AP1G2: variants seen among roughly 807,000 people sequenced by gnomAD.
AP1G2 encodes adaptor related protein complex 1 subunit gamma 2.
A neutral mutation model predicts 95.8 loss-of-function variants in AP1G2; 85 were observed. The observed-to-expected ratio is 0.89, with a 90% CI of 0.74 to 1.06. AP1G2 has a LOEUF of 1.06. Ranked by LOEUF, AP1G2 falls within the 50% of genes least tolerant of loss-of-function variation. The probability of loss-of-function intolerance (pLI) is 0.00; values close to 1 mark genes in which losing one functional copy is unlikely to be tolerated. For missense variants in AP1G2, 967 were observed against 1,005.8 expected, an observed-to-expected ratio of 0.96 and a Z score of 0.52; for synonymous variants, 378 against 400.0, an observed-to-expected ratio of 0.94 and a Z score of 0.66.
At position 23,560,411 on chromosome 14, in the gene AP1G2, G is replaced by A. The variant is rs1883654851; in HGVS notation, c.2001C>T (p.Ile667=). 3 of 1,613,198 alleles carry A rather than the reference G, an allele frequency of 1.9e-6. No individual in the cohort carries two copies. In the South Asian group the frequency reaches 3.3e-5, roughly 18 times the overall value. ...LPCVPPPPAP[I]PDLKVFEREG... ...CACGCTCAAACACTTTGAGATCTGG[G>A]ATGGGAGCTGGAGTAGGGAGACAGA... The change falls in exon 20 of 22, where the codon ATC becomes ATT. Residue 667 remains isoleucine (I), a synonymous_variant. Coordinates refer to ENST00000397120, the MANE Select transcript of AP1G2 (RefSeq NM_003917.5).
chr14:23,559,784 C>A lies in AP1G2; in HGVS notation c.2323G>T (p.Glu775Ter). The change falls in exon 22 of 22, where the codon GAG becomes TAG. Residue 775 changes from glutamate to a stop codon, truncating the protein, a stop_gained. Transcript: ENST00000397120. LOFTEE classifies it high-confidence loss of function. Reference sequence around the variant, plus strand: ...GATTCCACAGGCAAGTTGTTCACCTCAAAGATCTCCTGCACCGACTGGTGA... The same window carrying A: ...GATTCCACAGGCAAGTTGTTCACCTAAAAGATCTCCTGCACCGACTGGTGA... Reference protein sequence around the residue: ...HFHQSVQEIFEVNNLPVESWQ With the variant: ...HFHQSVQEIF 1 of 1,614,124 alleles carries A rather than the reference C, an allele frequency of 6.2e-7. No individual in the cohort carries two copies. Among genetic ancestry groups the A allele is most frequent in the Non-Finnish European group, 8.5e-7 (1 of 1,180,026 alleles).
chr14:23,567,781 C>T lies in AP1G2; in HGVS notation c.-48G>A, dbSNP rs1195696640. 1 of 1,002,242 alleles carries T rather than the reference C, an allele frequency of 1.0e-6. No individual in the cohort carries two copies. Among genetic ancestry groups the T allele is most frequent in the Admixed American group, 6.1e-5 (1 of 16,462 alleles). 62.1% of individuals were successfully genotyped at this position (1,002,242 alleles called of 1,614,324 possible). A position where few individuals can be genotyped will look rare whatever the true frequency, so the allele number is the denominator to read the frequency against. ...TCCGCTCCTCTGCCCCCCAGCGCTT[C>T]CTGGTACGGGGCCGAGCAGGGGTTG... On this transcript the variant is annotated 5_prime_UTR_variant, in exon 1 of 22. Coordinates refer to ENST00000397120, the MANE Select transcript of AP1G2 (RefSeq NM_003917.5). The surrounding 1 kb of genome is among the most constrained non-coding windows in gnomAD (Gnocchi z 5.3).
intron 17 of AP1G2, 139 bp from the exon 18 acceptor site, chr14:23,561,774 G>C (rs1019333812): frequency 2.0e-5 from 30 of 1,469,098 alleles, no homozygotes; most frequent in Non-Finnish European, 2.7e-5. Flanking sequence ...AAAATGACAT[G>C]TTGTTGCTGA....
rs747512295 is a variant in AP1G2 at position 23,562,356 on chromosome 14, C to T, written c.1560G>A (p.Leu520=). ...TGAGGGCATATCCTCGAGTGGCTGG[C>T]AGGGACATGTGGGACTGCAGCACCT... ...LEKVLQSHMS[L]PATRGYALTA... is the part of the protein sequence containing the mutation. Residue 520 remains leucine (L), a synonymous_variant, in exon 16 of 22, where the codon CTG becomes CTA. Transcript: ENST00000397120. 1 of 1,614,170 alleles carries T rather than the reference C, an allele frequency of 6.2e-7. No homozygotes were observed. Among genetic ancestry groups the T allele is most frequent in the African/African-American group, 1.3e-5 (1 of 75,036 alleles).
Position 23,565,847 on chromosome 14 carries a change from C to G in AP1G2, c.614G>C (p.Arg205Pro). 6.3e-7 allele frequency: 1 copy of G among 1,575,124 alleles called. No homozygotes were observed. Among genetic ancestry groups the G allele is most frequent in the Non-Finnish European group, 8.6e-7 (1 of 1,160,476 alleles). ...TITLITELCE[R>P]SPAALRHFRK... ...GAAGTGCCTGAGGGCTGCAGGGCTT[C>G]GTTCGCAGAGCTCCGTGATCAGCGT... The change falls in exon 6 of 22, where the codon CGA becomes CCA. Residue 205 changes from arginine to proline, a missense_variant. By Grantham distance (103) the Arg-to-Pro change is moderately radical. Coordinates refer to ENST00000397120, the MANE Select transcript of AP1G2 (RefSeq NM_003917.5).
chr14:23,565,714 C>A lies in AP1G2; in HGVS notation c.646-13G>T. 1 of 1,612,670 alleles carries A rather than the reference C, an allele frequency of 6.2e-7. No individual in the cohort carries two copies. The highest frequency in any genetic ancestry group is 8.5e-7 in the Non-Finnish European group (1 of 1,178,666). The stretch of plus-strand genomic sequence containing the variant: ...GCTGGGGTACCACCTGGAGGGAGGG[C>A]ACAACTTTGGGCATTCGTTCTAATC... On this transcript the variant is annotated splice_polypyrimidine_tract_variant and intron_variant, in intron 6 of 21. Transcript: ENST00000397120.
rs1253834549 is a variant in AP1G2 at position 23,562,024 on chromosome 14, G to A, written c.1671C>T (p.Asp557=). ...QVVSIYGSCL[D]VELQQRAVEY... ...CCACAGCCCGCTGCTGCAGCTCCAC[G>A]TCCAAGCAGCTCCCGTAGATGGACA... Residue 557 remains aspartate (D), a synonymous_variant, in exon 17 of 22, where the codon GAC becomes GAT. Transcript: ENST00000397120. 13 of 1,613,622 alleles carry A rather than the reference G, an allele frequency of 8.1e-6. No individual in the cohort carries two copies. The highest frequency in any genetic ancestry group is 4.0e-5 in the African/African-American group (3 of 74,906).
At position 23,567,526 on chromosome 14, in the gene AP1G2, C is replaced by T. The variant is rs1035169819; in HGVS notation, c.-5-207G>A. On this transcript the variant is annotated intron_variant, in intron 1 of 21. Coordinates refer to ENST00000397120, the MANE Select transcript of AP1G2 (RefSeq NM_003917.5). The surrounding 1 kb of genome is among the most constrained non-coding windows in gnomAD (Gnocchi z 5.3). ...GCCCACTACGCATGCGTCCGCACCC[C>T]ACCGGCGCCCCTTCCTATTGAGCAT... The T allele has an allele frequency of 2.2e-6, 3 of 1,359,618 alleles. No individual in the cohort carries two copies. Among genetic ancestry groups the T allele is most frequent in the East Asian group, 6.1e-5 (2 of 32,712 alleles). The allele number at this position is 1,359,618 out of a possible 1,614,324, so 84.2% of individuals were successfully genotyped here.
At position 23,567,180 on chromosome 14, in the gene AP1G2, C is replaced by A; in HGVS notation, c.135G>T (p.Val45=). ...IRASFRDGDP[V]HRHRQLAKLL... Reference sequence around the variant, plus strand: ...GTTTGGCCAGCTGCCGGTGCCTGTGCACTGGGTCCCCGTCGCGGAAGGAGG... The same window carrying A: ...GTTTGGCCAGCTGCCGGTGCCTGTGAACTGGGTCCCCGTCGCGGAAGGAGG... The change falls in exon 2 of 22, where the codon GTG becomes GTT. Residue 45 remains valine, a synonymous_variant. Coordinates refer to ENST00000397120, the MANE Select transcript of AP1G2 (RefSeq NM_003917.5). This position sits in a 1 kb window ranked among gnomAD's most constrained non-coding sequence, Gnocchi z 5.3. 2 of 1,613,150 alleles carry A rather than the reference C, an allele frequency of 1.2e-6. No homozygotes were observed. Among genetic ancestry groups the A allele is most frequent in the Non-Finnish European group, 1.7e-6 (2 of 1,179,484 alleles).
At chr14:23,565,481 G>A in intron 7 of AP1G2, 125 bp downstream of exon 7, 1 of 874,494 alleles carries the variant, frequency 1.1e-6, no homozygotes, top group Non-Finnish European at 1.8e-6. Context: ...GAGCAATCCT[G>A]TGCCTGCTAC....
chr14:23,563,559 GCTCT>G (rs1309881687), intron 13 of AP1G2, 21 bp downstream of exon 13: 3 of 1,614,220 alleles, frequency 1.9e-6, no homozygotes, highest in Non-Finnish European at 2.5e-6. Flanking sequence ...CTTCTGCCCA[GCTCT>G]CTGACTGGCC....
In AP1G2 at chr14:23,563,418, GCA is replaced by G; in HGVS notation, c.1370_1371del (p.Val457AlafsTer40). 6.2e-7 allele frequency: 1 copy of G among 1,609,582 alleles called. No individual in the cohort carries two copies. The highest frequency in any genetic ancestry group is 8.5e-7 in the Non-Finnish European group (1 of 1,178,342). On this transcript the variant is annotated frameshift_variant, in exon 14 of 22. Coordinates refer to ENST00000397120, the MANE Select transcript of AP1G2 (RefSeq NM_003917.5). LOFTEE classifies it high-confidence loss of function. ...TCTGCCAGGGCATTGTAGAGGCGGCGCACAGAGTAGGCATGTAGCTCCTGGGC... is the reference window on the plus strand; with the variant it reads ...TCTGCCAGGGCATTGTAGAGGCGGCGCAGAGTAGGCATGTAGCTCCTGGGC... ...GGAQELHAYS[V>X]RRLYNALAED...
At chr14:23,563,338 A>T (rs1009519823) in intron 14 of AP1G2, 42 bp downstream of exon 14, 71 of 1,557,318 alleles carry the variant, frequency 4.6e-5, no homozygotes, top group Non-Finnish European at 6.0e-5. Flanking sequence ...TGGGCAAGGG[A>T]GTGGTTGGGC....
rs759741932 is a variant in AP1G2 at position 23,564,132 on chromosome 14, TC to T, written c.1004del (p.Arg335HisfsTer35). 1 of 1,614,122 alleles carries T rather than the reference TC, an allele frequency of 6.2e-7. No homozygotes were observed. The highest frequency in any genetic ancestry group is 1.7e-5 in the Admixed American group (1 of 60,014). Reference sequence around the variant, plus strand: ...CAGCACTGTGATCAGACTGCACCAGTCGAAGCAGTGATGTCAGGGCTACATA... The same window carrying T: ...CAGCACTGTGATCAGACTGCACCAGTGAAGCAGTGATGTCAGGGCTACATA... Reference protein sequence around the residue: ...IRYVALTSLLRLVQSDHSAVQ... With the variant: ...IRYVALTSLLXLVQSDHSAVQ... On this transcript the variant is annotated frameshift_variant, in exon 11 of 22. Coordinates refer to ENST00000397120, the MANE Select transcript of AP1G2 (RefSeq NM_003917.5). LOFTEE classifies it high-confidence loss of function.
chr14:23,563,851 G>A lies in AP1G2; in HGVS notation c.1097C>T (p.Ala366Val). The A allele has an allele frequency of 6.2e-7, 1 of 1,613,698 alleles. No individual in the cohort carries two copies. Among genetic ancestry groups the A allele is most frequent in the South Asian group, 1.1e-5 (1 of 91,064 alleles). Residue 366 changes from alanine to valine, a missense_variant, in exon 12 of 22, where the codon GCC becomes GTC. Physicochemically the swap from Ala to Val is moderately conservative, Grantham distance 64 (BLOSUM62 0). Transcript: ENST00000397120. ...RETDASLSRR[A>V]LELSLALVNS... ...TACCAGAGCCAGGCTTAGTTCCAGG[G>A]CTCTCCTGGCAGGAGAAAGAGGTTT...
In AP1G2 at chr14:23,564,332, C is replaced by T; in HGVS notation, c.977+1G>A. ...CCTAGGTAGACAGTTGGGACTATTA[C>T]CTAATGTTCCTGTCACTGTTGAGTA... On this transcript the variant is annotated splice_donor_variant, in intron 10 of 21. Transcript: ENST00000397120. LOFTEE classifies it high-confidence loss of function. 1 of 1,614,138 alleles carries T rather than the reference C, an allele frequency of 6.2e-7. No homozygotes were observed. Among genetic ancestry groups the T allele is most frequent in the Non-Finnish European group, 8.5e-7 (1 of 1,180,024 alleles).
Position 23,565,825 on chromosome 14 carries a change from G to A in AP1G2, c.636C>T (p.His212=), listed in dbSNP as rs768606442. ...LCERSPAALR[H]FRKVVPQLVH... ...CCCTTCACCAGCCCACCTTTCGGAA[G>A]TGCCTGAGGGCTGCAGGGCTTCGTT... The change falls in exon 6 of 22, where the codon CAC becomes CAT. Residue 212 remains histidine (H), a synonymous_variant. Transcript: ENST00000397120. The A allele has an allele frequency of 2.9e-5, 46 of 1,580,058 alleles. No homozygotes were observed. Among genetic ancestry groups the A allele is most frequent in the Non-Finnish European group, 3.7e-5 (43 of 1,162,684 alleles).
rs1180130170 is a variant in AP1G2, at chr14:23,567,401, C to A, written c.-5-82G>T. 2.6e-5 allele frequency: 39 copies of A among 1,478,450 alleles called. No homozygotes were observed. Among genetic ancestry groups the A allele is most frequent in the Non-Finnish European group, 1.8e-6 (2 of 1,122,452 alleles). 91.6% of individuals were successfully genotyped at this position (1,478,450 alleles called of 1,614,324 possible). A position where few individuals can be genotyped will look rare whatever the true frequency, so the allele number is the denominator to read the frequency against. ...GCCCAGGCCCGTCCTGTGTCAAGAC[C>A]CTAAGAGCCCGGGTCCCACAGGTAC... is the stretch of plus-strand genomic sequence containing the variant. On this transcript the variant is annotated intron_variant, in intron 1 of 21. Coordinates refer to ENST00000397120, the MANE Select transcript of AP1G2 (RefSeq NM_003917.5). This position sits in a 1 kb window ranked among gnomAD's most constrained non-coding sequence, Gnocchi z 5.3.
rs767073403 is a variant in AP1G2 at position 23,567,438 on chromosome 14, G to A, written c.-5-119C>T. ...GGTCCCACAGGTACCCTAAAATTGC[G>A]CCCGCATTTTACCTTTCCCGAAGTG... On this transcript the variant is annotated intron_variant, in intron 1 of 21. Transcript: ENST00000397120. This position sits in a 1 kb window ranked among gnomAD's most constrained non-coding sequence, Gnocchi z 5.3. 565 of 1,419,030 alleles carry A rather than the reference G, an allele frequency of 4.0e-4. No individual in the cohort carries two copies. The highest frequency in any genetic ancestry group is 4.6e-4 in the Non-Finnish European group (504 of 1,093,732). 87.9% of individuals were successfully genotyped at this position (1,419,030 alleles called of 1,614,324 possible).
Sources: allele counts gnomAD v4.1 joint callset, GRCh38; gene constraint gnomAD v4.1.1; non-coding constraint Gnocchi (gnomAD v3.1); transcripts MANE v1.5; gene names NCBI Gene and HGNC (gene_info 2026-07-23, HGNC 2026-07-21).